CBX2: variants seen among roughly 807,000 people sequenced by gnomAD.
CBX2 encodes chromobox protein homolog 2.
CBX2 carries 11 observed loss-of-function variants against 21.0 expected under a neutral mutation model. The observed-to-expected ratio is 0.52, with a 90% CI of 0.33 to 0.87. The LOEUF is 0.87. CBX2 is among the 40% of genes least tolerant of loss of function. The pLI is 0.02. For missense variants in CBX2, 746 were observed against 724.3 expected (o/e 1.03, Z -0.34); for synonymous variants, 364 against 304.6 (o/e 1.19, Z -2.03).
In CBX2 at chr17:79,783,897, G is replaced by A. The variant is rs781859926; in HGVS notation, c.454G>A (p.Ala152Thr). The A allele has an allele frequency of 1.9e-6, 3 of 1,614,044 alleles. No individual in the cohort carries two copies. The highest frequency in any genetic ancestry group is 2.5e-6 in the Non-Finnish European group (3 of 1,180,034). ...VPQKKAQILV[A>T]KPELKDPIRK... ...GCAGAAGAAGGCCCAGATCCTGGTG[G>A]CCAAACCCGAGCTGAAGGATCCCAT... Residue 152 changes from alanine (A) to threonine (T), a missense_variant, in exon 5 of 5, where the codon GCC becomes ACC. This residue lies in a region of CBX2 where 701 missense variants were observed against 650.7 expected (regional missense o/e 1.08). Coordinates refer to ENST00000310942, the MANE Select transcript of CBX2 (RefSeq NM_005189.3).
chr17:79,784,884 C>T lies in CBX2; in HGVS notation c.1441C>T (p.Gln481Ter). Residue 481 changes from glutamine (Q) to a stop codon, truncating the protein, a stop_gained, in exon 5 of 5, where the codon CAG becomes TAG. Transcript: ENST00000310942. LOFTEE classifies it high-confidence loss of function. The surrounding 1 kb of genome is among the most constrained non-coding windows in gnomAD (Gnocchi z 5.9). ...CTCCGCCTCGCCGCCCAGCACTGGA[C>T]AGAACCCGTCAGTGTCCGTTCAGAC... is the stretch of plus-strand genomic sequence containing the variant. The part of the protein sequence containing the change: ...PDSASPPSTG[Q>*]NPSVSVQTSQ... 6.2e-7 allele frequency: 1 copy of T among 1,613,468 alleles called. No individual in the cohort carries two copies.
At chr17:79,780,453 TC>T in intron 3 of CBX2, among the ~76,000 whole-genome samples, 1 of 152,298 alleles carries the variant, frequency 6.6e-6, no homozygotes, top group East Asian at 1.9e-4. Context: ...CCCATCGTCT[TC>T]TGTTAGTTCC....
chr17:79,781,944 C>T, intron 4 of CBX2, 143 bp downstream of exon 4: 14 of 1,614,190 alleles, frequency 8.7e-6, no homozygotes, highest in Non-Finnish European at 1.2e-5. Context: ...AAACAGGAGC[C>T]CCCTTTCTTC....
chr17:79,781,117 C>T (rs1277547114), intron 3 of CBX2, among the ~76,000 whole-genome samples: 6 of 152,244 alleles, frequency 3.9e-5, no homozygotes, highest in Non-Finnish European at 5.9e-5. Flanking sequence ...CAGACCTCGG[C>T]ACCTCTGTCA....
In CBX2 at chr17:79,778,904, G is replaced by A. The variant is rs1200601682; in HGVS notation, c.117-458G>A. The stretch of plus-strand genomic sequence containing the variant: ...CCGTTTCTGCGTCTTCCCGGACCCC[G>A]CTCTTTCTTCGCTACCCCTCGAGGT... On this transcript the variant is annotated intron_variant, in intron 2 of 4. Transcript: ENST00000310942. The surrounding 1 kb of genome is among the most constrained non-coding windows in gnomAD (Gnocchi z 4.8). Among the ~76,000 whole-genome samples the A allele has an allele frequency of 6.6e-6, 1 of 150,976 alleles. No homozygotes were observed. Among genetic ancestry groups the A allele is most frequent in the Non-Finnish European group, 1.5e-5 (1 of 67,772 alleles).
rs1555829736 is a variant in CBX2, at chr17:79,779,350, T to G, written c.117-12T>G. 3 of 1,613,240 alleles carry G rather than the reference T, an allele frequency of 1.9e-6. No individual in the cohort carries two copies. Among genetic ancestry groups the G allele is most frequent in the Non-Finnish European group, 2.5e-6 (3 of 1,179,834 alleles). On this transcript the variant is annotated splice_polypyrimidine_tract_variant and intron_variant, in intron 2 of 4. Transcript: ENST00000310942. ...CCTGGCGTCTAATGCTGCCCTGTCCTCTGCTTTGCAGACATAACAGCTGGG... is the reference window on the plus strand; with the variant it reads ...CCTGGCGTCTAATGCTGCCCTGTCCGCTGCTTTGCAGACATAACAGCTGGG...
At chr17:79,777,840 G>A (rs868939694), upstream of CBX2, among the ~76,000 whole-genome samples, 2 of 150,976 alleles carry the variant, frequency 1.3e-5, no homozygotes, top group Non-Finnish European at 3.0e-5. Flanking sequence ...CGCGCCCCGG[G>A]AATCACGCGG....
chr17:79,778,395 G>A lies in CBX2; in HGVS notation c.84G>A (p.Glu28=). The change falls in exon 2 of 5, where the codon GAG becomes GAA. Residue 28 remains glutamate, a synonymous_variant. Transcript: ENST00000310942. This position sits in a 1 kb window ranked among gnomAD's most constrained non-coding sequence, Gnocchi z 4.8. ...TTCTCTCCCCGCAGGGCAAGCTGGA[G>A]TACCTGGTCAAGTGGCGCGGCTGGT... ...LSKRLRKGKL[E]YLVKWRGWSS... The A allele has an allele frequency of 1.3e-6, 2 of 1,579,084 alleles. No individual in the cohort carries two copies. The highest frequency in any genetic ancestry group is 1.7e-6 in the Non-Finnish European group (2 of 1,168,016).
chr17:79,781,774 C>G lies in CBX2; in HGVS notation c.261C>G (p.Ser87=), dbSNP rs995937153. The part of the protein sequence containing the change: ...RGRPRKLTAM[S]SCSRRSKLKE... ...GGCCAAGGAAGCTCACTGCCATGTC[C>G]TCCTGCAGCCGGCGCTCCAAGCTCA... The change falls in exon 4 of 5, where the codon TCC becomes TCG. Residue 87 remains serine (S), a synonymous_variant. Coordinates refer to ENST00000310942, the MANE Select transcript of CBX2 (RefSeq NM_005189.3). 7 of 1,614,010 alleles carry G rather than the reference C, an allele frequency of 4.3e-6. No individual in the cohort carries two copies. Among genetic ancestry groups the G allele is most frequent in the Non-Finnish European group, 5.1e-6 (6 of 1,179,902 alleles).
chr17:79,784,492 A>G lies in CBX2; in HGVS notation c.1049A>G (p.Glu350Gly). The change falls in exon 5 of 5, where the codon GAG becomes GGG. Residue 350 changes from glutamate (E) to glycine (G), a missense_variant. Glu to Gly is a moderately conservative substitution (Grantham distance 98). Coordinates refer to ENST00000310942, the MANE Select transcript of CBX2 (RefSeq NM_005189.3). The surrounding 1 kb of genome is among the most constrained non-coding windows in gnomAD (Gnocchi z 5.9). ...GGCCCCCAGCCAGCACCCACCCAGG[A>G]GCTGAGCCTCCAGGTCTTGGACTTG... Reference protein sequence around the residue: ...CPGPQPAPTQELSLQVLDLQS... With the variant: ...CPGPQPAPTQGLSLQVLDLQS... The G allele has an allele frequency of 6.2e-7, 1 of 1,612,636 alleles. No homozygotes were observed. Among genetic ancestry groups the G allele is most frequent in the African/African-American group, 1.3e-5 (1 of 74,968 alleles).
Position 79,784,361 on chromosome 17 carries a change from C to T in CBX2, c.918C>T (p.Ser306=). The T allele has an allele frequency of 1.2e-6, 2 of 1,613,104 alleles. No individual in the cohort carries two copies. Among genetic ancestry groups the T allele is most frequent in the East Asian group, 2.2e-5 (1 of 44,866 alleles). ...AGCTGGGAATGAGCCCTCCAGGAAGCAAAATCCCGAAGGCCCCCAGCGGTG... is the reference window on the plus strand; with the variant it reads ...AGCTGGGAATGAGCCCTCCAGGAAGTAAAATCCCGAAGGCCCCCAGCGGTG... ...KGELGMSPPG[S]KIPKAPSGGA... The change falls in exon 5 of 5, where the codon AGC becomes AGT. Residue 306 remains serine (S), a synonymous_variant. Coordinates refer to ENST00000310942, the MANE Select transcript of CBX2 (RefSeq NM_005189.3). The surrounding 1 kb of genome is among the most constrained non-coding windows in gnomAD (Gnocchi z 5.9).
At position 79,784,046 on chromosome 17, in the gene CBX2, C is replaced by T. The variant is rs8080971; in HGVS notation, c.603C>T (p.Pro201=). 0.011 allele frequency: 17,779 copies of T among 1,612,778 alleles called. 1,215 individuals carry two copies. The African/African-American group carries it at 0.17, about 16-fold the overall frequency. ...TGGGGGCCCCGGCCAGCAAGCTGCC[C>T]CCTCCACTCAGCGCCCCCGTTGCAG... is the stretch of plus-strand genomic sequence containing the variant. ...KDLGAPASKL[P]PPLSAPVAGL... The change falls in exon 5 of 5, where the codon CCC becomes CCT. Residue 201 remains proline, a synonymous_variant. Transcript: ENST00000310942. This position sits in a 1 kb window ranked among gnomAD's most constrained non-coding sequence, Gnocchi z 5.9.
rs192497039 is a variant in CBX2, at chr17:79,782,630, G to C, written c.288+829G>C. ...ACAGGATTCCCTGCTGTAGAATCTTGTTGGCTGGTCTACACTGGCCTTACG... is the reference window on the plus strand; with the variant it reads ...ACAGGATTCCCTGCTGTAGAATCTTCTTGGCTGGTCTACACTGGCCTTACG... On this transcript the variant is annotated intron_variant, in intron 4 of 4. Transcript: ENST00000310942. The C allele has an allele frequency of 5.2e-5, 24 of 463,110 alleles. 1 individual carries two copies. In the Middle Eastern group the frequency reaches 2.9e-3, roughly 57 times the overall value. The allele number at this position is 463,110 out of a possible 1,614,324, so 28.7% of individuals were successfully genotyped here.
In CBX2 at chr17:79,778,483, C is replaced by T. The variant is rs113008599; in HGVS notation, c.116+56C>T. The stretch of plus-strand genomic sequence containing the variant: ...CCGCCCCCTCGCCCGGGGGTGGGGA[C>T]GTGGAGCCCCTCGGCCGCGCCGTCC... On this transcript the variant is annotated intron_variant, in intron 2 of 4. Coordinates refer to ENST00000310942, the MANE Select transcript of CBX2 (RefSeq NM_005189.3). This position sits in a 1 kb window ranked among gnomAD's most constrained non-coding sequence, Gnocchi z 4.8. The T allele has an allele frequency of 3.7e-3, 4,541 of 1,213,658 alleles. 19 individuals carry two copies. Among genetic ancestry groups the T allele is most frequent in the Non-Finnish European group, 4.8e-3 (4,211 of 884,670 alleles). 75.2% of individuals were successfully genotyped at this position (1,213,658 alleles called of 1,614,324 possible). A position where few individuals can be genotyped will look rare whatever the true frequency, so the allele number is the denominator to read the frequency against.
At chr17:79,781,937 C>T in intron 4 of CBX2, 136 bp downstream of exon 4, 1 of 1,614,204 alleles carries the variant, frequency 6.2e-7, no homozygotes, top group South Asian at 1.1e-5. Context: ...ACTCGGAAAA[C>T]AGGAGCCCCC....
chr17:79,779,482 G>A (rs1555829767), intron 3 of CBX2, 55 bp downstream of exon 3: 2 of 1,528,506 alleles, frequency 1.3e-6, no homozygotes, highest in African/African-American at 2.7e-5. Context: ...TGGCTGGTTG[G>A]AGTCGTGCTG....
rs782597003 is a variant in CBX2, at chr17:79,784,661, C to A, written c.1218C>A (p.Thr406=). Residue 406 remains threonine (T), a synonymous_variant, in exon 5 of 5, where the codon ACC becomes ACA. Transcript: ENST00000310942. The surrounding 1 kb of genome is among the most constrained non-coding windows in gnomAD (Gnocchi z 5.9). ...GGGCCAGCGGGGCCACCATGCCCAC[C>A]GACACAAGCAAAAGTGAGAAGCTGG... ...LIGASGATMP[T]DTSKSEKLAS... 2.5e-6 allele frequency: 4 copies of A among 1,612,230 alleles called. No individual in the cohort carries two copies. Among genetic ancestry groups the A allele is most frequent in the Non-Finnish European group, 3.4e-6 (4 of 1,179,840 alleles).
Position 79,784,466 on chromosome 17 carries a change from A to C in CBX2, c.1023A>C (p.Pro341=). The C allele has an allele frequency of 6.2e-7, 1 of 1,612,080 alleles. No individual in the cohort carries two copies. The highest frequency in any genetic ancestry group is 8.5e-7 in the Non-Finnish European group (1 of 1,179,646). ...CCAGCAGGGTGCCTGCTGGGTGCCCAGGCCCCCAGCCAGCACCCACCCAGG... is the reference window on the plus strand; with the variant it reads ...CCAGCAGGGTGCCTGCTGGGTGCCCCGGCCCCCAGCCAGCACCCACCCAGG... ...HGASRVPAGC[P]GPQPAPTQEL... Residue 341 remains proline, a synonymous_variant, in exon 5 of 5, where the codon CCA becomes CCC. Coordinates refer to ENST00000310942, the MANE Select transcript of CBX2 (RefSeq NM_005189.3). The surrounding 1 kb of genome is among the most constrained non-coding windows in gnomAD (Gnocchi z 5.9).
chr17:79,780,274 C>A (rs3751955), intron 3 of CBX2, among the ~76,000 whole-genome samples: 82,557 of 152,154 alleles, frequency 0.54, 24,657 homozygotes, highest in African/African-American at 0.81. Context: ...TCAATCTGGA[C>A]GGTTTGTTCT....
Sources: gnomAD v4.1 joint callset for allele counts (sites outside exome capture counted in the v4.1 genomes callset) on GRCh38, gnomAD v4.1.1 for gene constraint, gnomAD v4.1.1 regional missense constraint, Gnocchi (gnomAD v3.1) non-coding constraint, MANE v1.5 for transcripts, NCBI Gene and HGNC (gene_info 2026-07-23, HGNC 2026-07-21) for gene names.